The following GPC5 variants were observed in gnomAD, a reference collection of about 807,000 sequenced individuals.
GPC5 encodes glypican-5.
Under a neutral mutation model 53.9 loss-of-function variants are expected in GPC5, and 47 were observed. That is an observed-to-expected ratio of 0.87 (90% CI 0.69 to 1.11). The LOEUF is 1.11. Ranked by LOEUF, GPC5 falls within the 50% of genes most tolerant of loss-of-function variation. The pLI is 0.00. For synonymous variants in GPC5, 286 were observed against 263.3 expected, an observed-to-expected ratio of 1.09 and a Z score of -0.84; for missense variants, 748 against 713.1, an observed-to-expected ratio of 1.05 and a Z score of -0.56.
intron 7 of GPC5, among the ~76,000 whole-genome samples, chr13:92,585,958 C>T (rs376680726): frequency 4.6e-5 from 7 of 152,340 alleles, no homozygotes; most frequent in African/African-American, 1.4e-4. Flanking sequence ...AAACCTCTTT[C>T]TTTTGTAAAT....
intron 7 of GPC5, among the ~76,000 whole-genome samples, chr13:92,188,848 G>T (rs952632880): frequency 6.6e-6 from 1 of 152,176 alleles, no homozygotes; most frequent in African/African-American, 2.4e-5. Flanking sequence ...CCCGACAGCA[G>T]GTGAAAAGCT....
chr13:91,936,556 A>T (rs1246412704), intron 6 of GPC5, among the ~76,000 whole-genome samples: 1 of 152,006 alleles, frequency 6.6e-6, no homozygotes, highest in African/African-American at 2.4e-5. Flanking sequence ...GTTTTTTATA[A>T]TTTTTCTTTC....
At chr13:92,391,644 C>G (rs943070691) in intron 7 of GPC5, among the ~76,000 whole-genome samples, 2 of 152,032 alleles carry the variant, frequency 1.3e-5, no homozygotes, top group Non-Finnish European at 2.9e-5. Context: ...CTTCTGGATT[C>G]TTTATATGAA....
intron 2 of GPC5, among the ~76,000 whole-genome samples, chr13:91,522,516 T>C (rs2139372430): frequency 6.6e-6 from 1 of 152,340 alleles, no homozygotes; most frequent in South Asian, 2.1e-4. Context: ...ACACATAATT[T>C]ACTGAATTTT....
At chr13:91,802,162 C>T (rs1000520816) in intron 5 of GPC5, among the ~76,000 whole-genome samples, 2 of 152,098 alleles carry the variant, frequency 1.3e-5, no homozygotes, top group African/African-American at 2.4e-5. Context: ...GCTGCGGACC[C>T]TCGTGGTGAG....
chr13:92,400,393 A>G (rs1286718709), intron 7 of GPC5, among the ~76,000 whole-genome samples: 1 of 152,160 alleles, frequency 6.6e-6, no homozygotes, highest in Admixed American at 6.6e-5. Flanking sequence ...GCACTTAATG[A>G]TTTACCTACT....
intron 7 of GPC5, among the ~76,000 whole-genome samples, chr13:92,212,887 C>T (rs538355561): frequency 1.3e-5 from 2 of 152,316 alleles, no homozygotes; most frequent in South Asian, 4.1e-4. Context: ...ACCAATTAAA[C>T]ATTGCATGTA....
At chr13:91,808,355 C>A (rs2038255581) in intron 5 of GPC5, among the ~76,000 whole-genome samples, 1 of 152,074 alleles carries the variant, frequency 6.6e-6, no homozygotes, top group Non-Finnish European at 1.5e-5. Context: ...TGTGCCTTCC[C>A]ATCTTGGTCA....
chr13:92,356,521 T>A (rs929187337), intron 7 of GPC5, among the ~76,000 whole-genome samples: 1 of 152,118 alleles, frequency 6.6e-6, no homozygotes, highest in Non-Finnish European at 1.5e-5. Context: ...GAGAGGTAAG[T>A]TGTGGAAAGT....
intron 2 of GPC5, among the ~76,000 whole-genome samples, chr13:91,689,232 C>CAT (rs1466811276): frequency 6.4e-4 from 30 of 46,674 alleles, no homozygotes; most frequent in African/African-American, 2.0e-3. Flanking sequence ...TATATATATA[C>CAT]ACATATAAAA....
At chr13:92,305,252 GA>G (rs1486883317) in intron 7 of GPC5, among the ~76,000 whole-genome samples, 3 of 152,062 alleles carry the variant, frequency 2.0e-5, no homozygotes, top group African/African-American at 7.2e-5. Flanking sequence ...GTGTTCAAAA[GA>G]GAGTTGAGAA....
At chr13:92,021,352 T>C (rs1396213428) in intron 6 of GPC5, among the ~76,000 whole-genome samples, 1 of 152,202 alleles carries the variant, frequency 6.6e-6, no homozygotes, top group African/African-American at 2.4e-5. Flanking sequence ...GAGGACATTA[T>C]GCTAAATAAT....
At chr13:91,673,568 G>A in intron 2 of GPC5, among the ~76,000 whole-genome samples, 1 of 152,158 alleles carries the variant, frequency 6.6e-6, no homozygotes, top group Non-Finnish European at 1.5e-5. Context: ...TTAGATGTAA[G>A]CTTCCTTAGC....
chr13:92,555,142 T>C (rs1594301029), intron 7 of GPC5, among the ~76,000 whole-genome samples: 1 of 151,634 alleles, frequency 6.6e-6, no homozygotes, highest in South Asian at 2.1e-4. Context: ...AATCATGGAA[T>C]GTAAATTGTA....
intron 7 of GPC5, among the ~76,000 whole-genome samples, chr13:92,382,239 G>T (rs2139309269): frequency 6.6e-6 from 1 of 152,048 alleles, no homozygotes; most frequent in East Asian, 1.9e-4. Flanking sequence ...GGTGGCGAGG[G>T]ATAAAAGACT....
chr13:91,969,082 C>A (rs1033035255), intron 6 of GPC5, among the ~76,000 whole-genome samples: 1 of 152,114 alleles, frequency 6.6e-6, no homozygotes, highest in African/African-American at 2.4e-5. Flanking sequence ...GATTCTCCTG[C>A]CTCAGCCTCC....
At chr13:92,277,264 A>G (rs150375197) in intron 7 of GPC5, among the ~76,000 whole-genome samples, 1 of 152,162 alleles carries the variant, frequency 6.6e-6, no homozygotes, top group Non-Finnish European at 1.5e-5. Context: ...GCAGAGAAGA[A>G]GGGAAAGTCT....
At chr13:92,249,010 TA>T (rs66534724) in intron 7 of GPC5, among the ~76,000 whole-genome samples, 85,523 of 151,792 alleles carry the variant, frequency 0.56, 24,373 homozygotes, top group South Asian at 0.65. Context: ...ATTTCATATT[TA>T]AAAAATAATT....
At chr13:91,910,116 G>T (rs763756047) in intron 6 of GPC5, among the ~76,000 whole-genome samples, 87 of 152,184 alleles carry the variant, frequency 5.7e-4, no homozygotes, top group Non-Finnish European at 1.1e-3. Context: ...AGAAAGTTAT[G>T]TCTTGCACAG....
Sources: gnomAD v4.1 joint callset for allele counts (sites outside exome capture counted in the v4.1 genomes callset) on GRCh38, gnomAD v4.1.1 for gene constraint, MANE v1.5 for transcripts, NCBI Gene and HGNC (gene_info 2026-07-23, HGNC 2026-07-21) for gene names.